MTRF1: variants seen among roughly 807,000 people sequenced by gnomAD.
MTRF1 encodes peptide chain release factor 1, mitochondrial.
MTRF1 carries 51 observed loss-of-function variants against 62.9 expected under a neutral mutation model. That is an observed-to-expected ratio of 0.81 (90% CI 0.65 to 1.02). MTRF1 has a LOEUF of 1.02. Ranked by LOEUF, MTRF1 falls within the 50% of genes least tolerant of loss-of-function variation. The pLI is 0.00. For missense variants in MTRF1, 446 were observed against 530.0 expected, an observed-to-expected ratio of 0.84 and a Z score of 1.56; for synonymous variants, 158 against 181.9, an observed-to-expected ratio of 0.87 and a Z score of 1.06.
the MTRF1 span, among the ~76,000 whole-genome samples, chr13:41,288,735 TTTTG>T: frequency 2.0e-5 from 3 of 152,348 alleles, no homozygotes; most frequent in South Asian, 2.1e-4. Flanking sequence ...ACTCGATTTT[TTTTG>T]TTTATTTTAG....
At chr13:41,303,123 ATG>A in the MTRF1 span, among the ~76,000 whole-genome samples, 1 of 151,938 alleles carries the variant, frequency 6.6e-6, no homozygotes, top group Admixed American at 6.6e-5. Context: ...TTTATTTTAT[ATG>A]TATATATATT....
intron 2 of MTRF1, among the ~76,000 whole-genome samples, chr13:41,258,563 TAAAAAAAAAAACA>T (rs1042257797): frequency 4.3e-5 from 3 of 70,544 alleles, no homozygotes; most frequent in South Asian, 4.4e-4. Context: ...GACCATCTCT[TAAAAAAAAAAACA>T]AAAAAAAAAA....
chr13:41,251,031 G>C (rs1461804249), intron 5 of MTRF1, among the ~76,000 whole-genome samples: 1 of 152,086 alleles, frequency 6.6e-6, no homozygotes, highest in African/African-American at 2.4e-5. Flanking sequence ...ATTACTTATT[G>C]TGTGGTCTTG....
At chr13:41,283,700 C>A in the MTRF1 span, among the ~76,000 whole-genome samples, 1 of 140,436 alleles carries the variant, frequency 7.1e-6, no homozygotes, top group Admixed American at 7.9e-5. Context: ...CGCCATTCTC[C>A]TGCCTCAGCC....
In MTRF1 at chr13:41,254,511, C is replaced by G; in HGVS notation, c.507+18G>C. The G allele has an allele frequency of 6.3e-7, 1 of 1,592,144 alleles. No homozygotes were observed. The highest frequency in any genetic ancestry group is 8.6e-7 in the Non-Finnish European group (1 of 1,160,946). ...TTTATACAGCACTATTGAAACTAGT[C>G]GACCTCTGAAAACCTACCTCATTGT... On this transcript the variant is annotated intron_variant, in intron 3 of 9. Transcript: ENST00000379480.
At chr13:41,295,915 T>C in the MTRF1 span, among the ~76,000 whole-genome samples, 8 of 152,094 alleles carry the variant, frequency 5.3e-5, no homozygotes, top group South Asian at 4.2e-4. Flanking sequence ...CTGGGACTAC[T>C]GATGCATGCC....
chr13:41,250,517 C>CT (rs2038933982), intron 5 of MTRF1, among the ~76,000 whole-genome samples: 2 of 149,930 alleles, frequency 1.3e-5, no homozygotes, highest in Non-Finnish European at 3.0e-5. Flanking sequence ...TTTTTTGAGA[C>CT]TGAGTCTTAC....
the MTRF1 span, among the ~76,000 whole-genome samples, chr13:41,275,544 G>C: frequency 6.6e-6 from 1 of 151,252 alleles, no homozygotes; most frequent in Non-Finnish European, 1.5e-5. Context: ...CCAGGCTGGA[G>C]TGCAGCAGCG....
At chr13:41,263,000 C>T (rs1345564157) in intron 1 of MTRF1, among the ~76,000 whole-genome samples, 1 of 152,134 alleles carries the variant, frequency 6.6e-6, no homozygotes, top group Non-Finnish European at 1.5e-5. Flanking sequence ...GATACTGCAT[C>T]ACATTATTAA....
chr13:41,275,459 C>A, the MTRF1 span, among the ~76,000 whole-genome samples: 4 of 150,170 alleles, frequency 2.7e-5, no homozygotes. Flanking sequence ...CTCGGCCTCC[C>A]AAAGTGCTGG....
chr13:41,289,739 A>G, the MTRF1 span, among the ~76,000 whole-genome samples: 5 of 152,186 alleles, frequency 3.3e-5, no homozygotes, highest in African/African-American at 1.2e-4. Context: ...AGCAAATCAA[A>G]GAGATCCACT....
At chr13:41,299,828 GAC>G in the MTRF1 span, among the ~76,000 whole-genome samples, 1 of 151,666 alleles carries the variant, frequency 6.6e-6, no homozygotes, top group Non-Finnish European at 1.5e-5. Context: ...ATTCAAATAA[GAC>G]CTTAATATCA....
intron 1 of MTRF1, among the ~76,000 whole-genome samples, chr13:41,262,894 A>G (rs931439212): frequency 3.3e-5 from 5 of 152,364 alleles, no homozygotes; most frequent in Non-Finnish European, 7.3e-5. Flanking sequence ...TTTGTTCACT[A>G]TAAGTCTGTT....
the MTRF1 span, among the ~76,000 whole-genome samples, chr13:41,273,125 G>C: frequency 7.9e-5 from 12 of 152,204 alleles, no homozygotes; most frequent in East Asian, 5.8e-4. Context: ...AGGAGATCGA[G>C]ACCATCCTAG....
intron 3 of MTRF1, among the ~76,000 whole-genome samples, chr13:41,253,509 A>G (rs987213322): frequency 2.0e-5 from 3 of 152,216 alleles, no homozygotes; most frequent in African/African-American, 7.2e-5. Flanking sequence ...GACTATGTTG[A>G]GGGCTCCCAA....
At chr13:41,249,920 CT>C (rs1009687565) in intron 5 of MTRF1, among the ~76,000 whole-genome samples, 4 of 151,440 alleles carry the variant, frequency 2.6e-5, no homozygotes, top group African/African-American at 9.7e-5. Context: ...AGCCCTTAGT[CT>C]TTAACTTTAA....
At chr13:41,302,740 G>C in the MTRF1 span, among the ~76,000 whole-genome samples, 116 of 151,902 alleles carry the variant, frequency 7.6e-4, no homozygotes, top group African/African-American at 2.6e-3. Context: ...TGCCCATGCT[G>C]GTCTCAAACT....
intron 8 of MTRF1, among the ~76,000 whole-genome samples, chr13:41,224,935 G>C (rs1369335174): frequency 6.6e-6 from 1 of 152,044 alleles, no homozygotes. Flanking sequence ...TTGTGGGCTG[G>C]GTGCAGTGGC....
the MTRF1 span, among the ~76,000 whole-genome samples, chr13:41,283,583 A>ATTTT: frequency 2.0e-4 from 7 of 35,046 alleles, no homozygotes; most frequent in South Asian, 1.7e-3. Flanking sequence ...AGCTCTGACA[A>ATTTT]TCTTTTTTTT....
Sources: gnomAD v4.1 joint callset for allele counts (sites outside exome capture counted in the v4.1 genomes callset) on GRCh38, gnomAD v4.1.1 for gene constraint, MANE v1.5 for transcripts, NCBI Gene and HGNC (gene_info 2026-07-23, HGNC 2026-07-21) for gene names.